Variants in HDAC9 observed in about 807,000 individuals in gnomAD.
HDAC9 encodes MEF-2 interacting transcription repressor (MITR) protein.
In HDAC9, 41 loss-of-function variants were observed where a neutral mutation model predicts 139.4. That is an observed-to-expected ratio of 0.29 (90% confidence interval 0.23 to 0.38). HDAC9 has a LOEUF of 0.38. Ranked by LOEUF, HDAC9 falls within the 10% of genes least tolerant of loss-of-function variation. The pLI is 1.00. For missense variants in HDAC9, 1,147 were observed against 1,297.0 expected (o/e 0.88, Z 1.78); for synonymous variants, 517 against 476.2 (o/e 1.09, Z -1.12).
intron 1 of HDAC9, among the ~76,000 whole-genome samples, chr7:18,444,206 G>A (rs568321865): frequency 2.4e-4 from 36 of 151,902 alleles, no homozygotes; most frequent in Middle Eastern, 3.4e-3. Context: ...AAGCGTGGTG[G>A]CGTGTGTCTG....
intron 6 of HDAC9, 112 bp from the exon 7 acceptor site, chr7:18,629,238 A>G (rs1361748405): frequency 2.1e-6 from 2 of 974,380 alleles, no homozygotes; most frequent in East Asian, 5.6e-5. Flanking sequence ...TCATTTGAGA[A>G]TGAGAATGGA....
intron 2 of HDAC9, among the ~76,000 whole-genome samples, chr7:18,233,686 C>T (rs564727592): frequency 3.3e-5 from 5 of 152,180 alleles, no homozygotes; most frequent in African/African-American, 4.8e-5. Flanking sequence ...TGTAGGGGAA[C>T]GGAGCACACA....
chr7:18,607,415 A>G (rs1212538709), intron 6 of HDAC9, among the ~76,000 whole-genome samples: 1 of 152,242 alleles, frequency 6.6e-6, no homozygotes, highest in Non-Finnish European at 1.5e-5. Context: ...CACATAGTGC[A>G]GGATTTCTCT....
intron 6 of HDAC9, among the ~76,000 whole-genome samples, chr7:18,600,566 A>G (rs1272022271): frequency 1.3e-5 from 2 of 152,190 alleles, no homozygotes; most frequent in African/African-American, 4.8e-5. Context: ...GAATTGCCTT[A>G]GCTCCTTTGT....
In HDAC9 at chr7:18,792,219, A is replaced by G. The variant is rs115929502; in HGVS notation, c.2215-1126A>G. Among the ~76,000 whole-genome samples the G allele has an allele frequency of 3.7e-3, 506 of 138,298 alleles. 2 individuals are homozygous for G. Among genetic ancestry groups the G allele is most frequent in the African/African-American group, 0.012 (459 of 36,798 alleles). The allele number at this position is 138,298 out of a possible 152,430, so 90.7% of individuals were successfully genotyped here. ...AATGTGTGTTGTTATTATTTATTGT[A>G]TTTGTTCCATGTGATTAGGCCCCTT... is the stretch of plus-strand genomic sequence containing the variant. On this transcript the variant is annotated intron_variant, in intron 16 of 25. Coordinates refer to ENST00000686413, the MANE Select transcript of HDAC9 (RefSeq NM_178425.4).
intron 1 of HDAC9, among the ~76,000 whole-genome samples, chr7:18,147,616 T>C (rs530831851): frequency 3.3e-5 from 5 of 150,782 alleles, no homozygotes; most frequent in Admixed American, 3.3e-4. Flanking sequence ...TGTTTATGTT[T>C]TGTCTTACCT....
chr7:18,527,239 T>C (rs988977767), intron 2 of HDAC9, among the ~76,000 whole-genome samples: 1 of 152,182 alleles, frequency 6.6e-6, no homozygotes, highest in African/African-American at 2.4e-5. Flanking sequence ...TGCTACCTGA[T>C]ACTAATTTTT....
rs113419505 is a variant in HDAC9, at chr7:18,732,089, A to G, written c.1909+4332A>G. 9.3e-3 allele frequency among the ~76,000 whole-genome samples: 1,410 copies of G among 151,926 alleles called. 26 individuals carry two copies. Among genetic ancestry groups the G allele is most frequent in the African/African-American group, 0.033 (1,356 of 41,416 alleles). Reference sequence around the variant, plus strand: ...TGGTCAGGTTGGTCTCCAACTCCCAACCTCAGGTGATCCACCCGCCTTGGC... The same window carrying G: ...TGGTCAGGTTGGTCTCCAACTCCCAGCCTCAGGTGATCCACCCGCCTTGGC... On this transcript the variant is annotated intron_variant, in intron 13 of 25. Coordinates refer to ENST00000686413, the MANE Select transcript of HDAC9 (RefSeq NM_178425.4).
intron 1 of HDAC9, among the ~76,000 whole-genome samples, chr7:18,125,855 A>G (rs1041392730): frequency 6.6e-6 from 1 of 152,146 alleles, no homozygotes; most frequent in Non-Finnish European, 1.5e-5. Flanking sequence ...TTTTCTGTTG[A>G]GTTTTTAAAA....
chr7:18,099,660 G>A (rs1041737074), intron 1 of HDAC9, among the ~76,000 whole-genome samples: 12 of 152,132 alleles, frequency 7.9e-5, no homozygotes, highest in Non-Finnish European at 1.5e-4. Flanking sequence ...AAGTGGGAAA[G>A]TGTAGGCCAA....
At chr7:18,713,665 TA>T (rs1784503229) in intron 12 of HDAC9, among the ~76,000 whole-genome samples, 2 of 152,068 alleles carry the variant, frequency 1.3e-5, no homozygotes, top group Non-Finnish European at 2.9e-5. Context: ...TAAATTATAA[TA>T]AAAATATATG....
At chr7:18,708,020 G>A (rs1399091172) in intron 12 of HDAC9, among the ~76,000 whole-genome samples, 2 of 152,180 alleles carry the variant, frequency 1.3e-5, no homozygotes, top group Admixed American at 1.3e-4. Flanking sequence ...CCCTAAGGGA[G>A]CAGGAGGGGA....
At chr7:18,520,701 G>A (rs758579690) in intron 2 of HDAC9, among the ~76,000 whole-genome samples, 3 of 152,094 alleles carry the variant, frequency 2.0e-5, no homozygotes, top group South Asian at 2.1e-4. Flanking sequence ...TCCTACTACC[G>A]TAAATGTCTT....
At position 18,221,106 on chromosome 7, in the gene HDAC9, C is replaced by CTTTTTTTT. The variant is rs537033538; in HGVS notation, c.25+58763_25+58770dup. Among the ~76,000 whole-genome samples, 6 of 139,692 alleles carry CTTTTTTTT rather than the reference C, an allele frequency of 4.3e-5. 1 individual carries two copies. The highest frequency in any genetic ancestry group is 1.1e-4 in the African/African-American group (4 of 36,406). The allele number at this position is 139,692 out of a possible 152,430, so 91.6% of individuals were successfully genotyped here. A position where few individuals can be genotyped will look rare whatever the true frequency, so the allele number is the denominator to read the frequency against. ...TCTATAATATTTTGCATTTCTATTC[C>CTTTTTTTT]TTTTTTTTTTTTTGTGACGGAGTTT... On this transcript the variant is annotated intron_variant, in intron 2 of 12. Coordinates refer to the HDAC9 transcript ENST00000417496.
intron 2 of HDAC9, among the ~76,000 whole-genome samples, chr7:18,250,930 GTGTC>G (rs1363938279): frequency 3.9e-5 from 6 of 151,988 alleles, no homozygotes; most frequent in Non-Finnish European, 8.8e-5. Context: ...CTTTTGAAAA[GTGTC>G]TGTTCATGTC....
In HDAC9 at chr7:18,559,489, A is replaced by T. The variant is rs73062322; in HGVS notation, c.23-25792A>T. Among the ~76,000 whole-genome samples the T allele has an allele frequency of 8.3e-3, 1,261 of 152,330 alleles. 15 individuals carry two copies. The highest frequency in any genetic ancestry group is 0.017 in the Middle Eastern group (5 of 294). On this transcript the variant is annotated intron_variant, in intron 2 of 25. Coordinates refer to ENST00000686413, the MANE Select transcript of HDAC9 (RefSeq NM_178425.4). ...TTTTACTAATGTTAAGGTGAGGGAC[A>T]AGCAAGCCTGAACCATCCCTGAGGA... is the stretch of plus-strand genomic sequence containing the variant.
At chr7:18,782,182 T>A (rs183581022) in intron 16 of HDAC9, among the ~76,000 whole-genome samples, 32 of 152,166 alleles carry the variant, frequency 2.1e-4, no homozygotes, top group African/African-American at 7.7e-4. Flanking sequence ...GGGTGAAGAG[T>A]TTCATTTCCC....
At position 18,296,287 on chromosome 7, in the gene HDAC9, T is replaced by G. The variant is rs1006257046; in HGVS notation, c.-42+5772T>G. 2.3e-4 allele frequency among the ~76,000 whole-genome samples: 35 copies of G among 152,272 alleles called. 1 individual carries two copies. Among genetic ancestry groups the G allele is most frequent in the South Asian group, 1.5e-3 (7 of 4,820 alleles). ...AGTTAGTTCCTATGCTGAAGTGCAT[T>G]TTAGAGAAGTTTCAGTATTAAAACA... is the stretch of plus-strand genomic sequence containing the variant. On this transcript the variant is annotated intron_variant, in intron 1 of 3. Coordinates refer to the HDAC9 transcript ENST00000413509.
intron 2 of HDAC9, among the ~76,000 whole-genome samples, chr7:18,538,392 C>A (rs564844028): frequency 1.3e-5 from 2 of 152,126 alleles, no homozygotes; most frequent in Admixed American, 6.5e-5. Flanking sequence ...ACTTAGAAAC[C>A]GTGACAGGAA....
Sources: gnomAD v4.1 joint callset for allele counts (sites outside exome capture counted in the v4.1 genomes callset) on GRCh38, gnomAD v4.1.1 for gene constraint, MANE v1.5 for transcripts, NCBI Gene and HGNC (gene_info 2026-07-23, HGNC 2026-07-21) for gene names.